Variants in TNFAIP8 observed in about 807,000 individuals in gnomAD.
TNFAIP8 encodes TNF alpha induced protein 8.
Under a neutral mutation model 13.3 loss-of-function variants are expected in TNFAIP8, and 7 were observed. The ratio of observed to expected loss-of-function variants is 0.52; its 90% confidence interval spans 0.30 to 0.99. The LOEUF (loss-of-function observed/expected upper bound fraction) is 0.99. Among genes scored for constraint, TNFAIP8 ranks in the 50% least tolerant of loss-of-function variants. The pLI, the probability that TNFAIP8 is intolerant of heterozygous loss-of-function variation, is 0.07. For missense variants in TNFAIP8, 258 were observed against 236.9 expected, an observed-to-expected ratio of 1.09 and a Z score of -0.58; for synonymous variants, 94 against 87.6, an observed-to-expected ratio of 1.07 and a Z score of -0.41.
In TNFAIP8 at chr5:119,395,895, T is replaced by A. The variant is rs187356613; in HGVS notation, c.*2514T>A. ...GTATCTGTTCACGTTTTGAAAAAAA[T>A]TGTGTTGTAATTGATTTTATTTTGT... On this transcript the variant is annotated 3_prime_UTR_variant, in exon 2 of 2. Transcript: ENST00000504771. The A allele has an allele frequency of 3.3e-5, 5 of 151,334 alleles. No individual in the cohort carries two copies. Among genetic ancestry groups the A allele is most frequent in the Non-Finnish European group, 1.5e-5 (1 of 67,998 alleles). 9.4% of individuals were successfully genotyped at this position (151,334 alleles called of 1,614,324 possible).
At chr5:119,354,531 T>C (rs1751308534), upstream of TNFAIP8, 1 of 152,294 alleles carries the variant, frequency 6.6e-6, no homozygotes. Context: ...AATACTGAAA[T>C]AAAACCCAAG....
intron 1 of TNFAIP8, among the ~76,000 whole-genome samples, chr5:119,293,856 TAAA>T (rs1446098238): frequency 1.3e-5 from 2 of 152,170 alleles, no homozygotes; most frequent in African/African-American, 4.8e-5. Flanking sequence ...ATTTGAATAA[TAAA>T]AAGTTTTTAA....
intron 1 of TNFAIP8, among the ~76,000 whole-genome samples, chr5:119,285,246 T>A (rs905794824): frequency 6.6e-6 from 1 of 152,154 alleles, no homozygotes; most frequent in Non-Finnish European, 1.5e-5. Context: ...ATCTAAGAAA[T>A]GTGAGTTGTC....
At chr5:119,278,945 C>G (rs1400482483) in intron 1 of TNFAIP8, among the ~76,000 whole-genome samples, 1 of 152,110 alleles carries the variant, frequency 6.6e-6, no homozygotes, top group Non-Finnish European at 1.5e-5. Context: ...GCACTACTTA[C>G]TTTGGGGAAA....
chr5:119,336,605 C>T (rs191348049), intron 1 of TNFAIP8, among the ~76,000 whole-genome samples: 4 of 152,280 alleles, frequency 2.6e-5, no homozygotes, highest in Admixed American at 6.5e-5. Flanking sequence ...TTCAGGTTTT[C>T]CCAATGGTAT....
chr5:119,281,756 A>T (rs1748637840), intron 1 of TNFAIP8, among the ~76,000 whole-genome samples: 1 of 152,226 alleles, frequency 6.6e-6, no homozygotes, highest in Admixed American at 6.5e-5. Flanking sequence ...TGTATATATC[A>T]TGCTTATCAC....
At chr5:119,320,473 GA>G (rs1349595445) in intron 1 of TNFAIP8, among the ~76,000 whole-genome samples, 1 of 152,150 alleles carries the variant, frequency 6.6e-6, no homozygotes, top group African/African-American at 2.4e-5. Flanking sequence ...CATTCTGGCA[GA>G]ACTGCTAGAA....
At chr5:119,374,429 CAT>C (rs1752203127) in intron 1 of TNFAIP8, among the ~76,000 whole-genome samples, 1 of 152,150 alleles carries the variant, frequency 6.6e-6, no homozygotes, top group South Asian at 2.1e-4. Flanking sequence ...ATGTTCCTCA[CAT>C]AGATACAGCA....
intron 1 of TNFAIP8, among the ~76,000 whole-genome samples, chr5:119,288,926 G>A (rs557796810): frequency 6.6e-6 from 1 of 152,322 alleles, no homozygotes; most frequent in South Asian, 2.1e-4. Flanking sequence ...TTGGCCCTAG[G>A]CTAAATTGTC....
At position 119,391,710 on chromosome 5, in the gene TNFAIP8, G is replaced by C. The variant is rs148100053; in HGVS notation, c.32-1106G>C. Among the ~76,000 whole-genome samples the C allele has an allele frequency of 7.7e-3, 1,112 of 143,522 alleles. 17 individuals carry two copies. Among genetic ancestry groups the C allele is most frequent in the African/African-American group, 0.027 (1,045 of 38,470 alleles). The allele number at this position is 143,522 out of a possible 152,430, so 94.2% of individuals were successfully genotyped here. On this transcript the variant is annotated intron_variant, in intron 1 of 1. Coordinates refer to ENST00000504771, the MANE Select transcript of TNFAIP8 (RefSeq NM_014350.4). ...GGAGGTGGAGGTTGCAGTGAGCCAA[G>C]ATCACGCCATTGCACTCCAGCCTGG...
chr5:119,356,606 T>C (rs114912858), intron 1 of TNFAIP8, among the ~76,000 whole-genome samples: 1 of 151,898 alleles, frequency 6.6e-6, no homozygotes, highest in East Asian at 1.9e-4. Flanking sequence ...AGAAATAGAT[T>C]AATTTTTTTT....
chr5:119,343,728 A>C (rs1383026266), intron 1 of TNFAIP8, among the ~76,000 whole-genome samples: 1 of 152,184 alleles, frequency 6.6e-6, no homozygotes, highest in African/African-American at 2.4e-5. Flanking sequence ...GCACAAGTTC[A>C]CTGTAGAAGT....
intron 1 of TNFAIP8, among the ~76,000 whole-genome samples, chr5:119,312,052 T>G (rs1334287181): frequency 6.6e-6 from 1 of 152,224 alleles, no homozygotes; most frequent in Non-Finnish European, 1.5e-5. Context: ...GTATTAACTT[T>G]TAAACTAATG....
At chr5:119,273,599 G>C (rs1191601180) in intron 1 of TNFAIP8, among the ~76,000 whole-genome samples, 1 of 152,208 alleles carries the variant, frequency 6.6e-6, no homozygotes, top group African/African-American at 2.4e-5. Flanking sequence ...CTGCATGAGG[G>C]AAGCTTTCAA....
At chr5:119,304,761 A>G (rs1043768167) in intron 1 of TNFAIP8, among the ~76,000 whole-genome samples, 1 of 152,226 alleles carries the variant, frequency 6.6e-6, no homozygotes, top group African/African-American at 2.4e-5. Context: ...GTTATCTTCT[A>G]TATCAACTGT....
At chr5:119,317,219 C>G (rs1373775027) in intron 1 of TNFAIP8, among the ~76,000 whole-genome samples, 1 of 152,114 alleles carries the variant, frequency 6.6e-6, no homozygotes, top group African/African-American at 2.4e-5. Context: ...TCCTGTAGTC[C>G]ATAAATTTAT....
chr5:119,349,857 A>T (rs560810015), intron 1 of TNFAIP8, among the ~76,000 whole-genome samples: 52 of 152,362 alleles, frequency 3.4e-4, no homozygotes, highest in African/African-American at 1.3e-3. Flanking sequence ...TCCCAATATT[A>T]GCAATCTTTG....
intron 1 of TNFAIP8, among the ~76,000 whole-genome samples, chr5:119,345,133 C>A (rs748565538): frequency 6.6e-6 from 1 of 151,992 alleles, no homozygotes; most frequent in Admixed American, 6.5e-5. Context: ...TGTAGTTGTA[C>A]AAAATAATAC....
chr5:119,320,502 G>A (rs1750022502), intron 1 of TNFAIP8, among the ~76,000 whole-genome samples: 1 of 152,122 alleles, frequency 6.6e-6, no homozygotes, highest in Non-Finnish European at 1.5e-5. Flanking sequence ...CTCCTGGGGT[G>A]TGTACAATCT....
Sources: allele counts gnomAD v4.1 joint callset (sites outside exome capture counted in the v4.1 genomes callset), GRCh38; gene constraint gnomAD v4.1.1; transcripts MANE v1.5; gene names NCBI Gene and HGNC (gene_info 2026-07-23, HGNC 2026-07-21).